Variants in APBB2 observed in about 807,000 individuals in gnomAD.
APBB2 encodes amyloid beta precursor protein binding family B member 2, also known as Fe65-like 1.
In APBB2, 38 loss-of-function variants were observed where a neutral mutation model predicts 82.5. That is an observed-to-expected ratio of 0.46 (90% CI 0.36 to 0.60). The LOEUF (loss-of-function observed/expected upper bound fraction) is 0.60, where lower values mean the gene tolerates loss of function less well. Among genes scored for constraint, APBB2 ranks in the 20% least tolerant of loss-of-function variants. The pLI is 0.00. For missense variants in APBB2, 772 were observed against 972.3 expected, an observed-to-expected ratio of 0.79 and a Z score of 2.74; for synonymous variants, 341 against 368.2, an observed-to-expected ratio of 0.93 and a Z score of 0.85.
intron 1 of APBB2, chr4:41,207,700 G>A (rs1230483589): frequency 1.3e-5 from 2 of 152,086 alleles, no homozygotes; most frequent in Non-Finnish European, 2.9e-5. Context: ...AGGACCTTGG[G>A]TGACTCTATA....
chr4:40,982,390 G>A (rs1345204419), intron 6 of APBB2, among the ~76,000 whole-genome samples: 426 of 11,762 alleles, frequency 0.036, 29 homozygotes, highest in East Asian at 0.09. Context: ...AAGGAAGGAA[G>A]GAAAGGAAAG....
chr4:41,097,203 C>T (rs867929920), intron 3 of APBB2, among the ~76,000 whole-genome samples: 2 of 152,126 alleles, frequency 1.3e-5, no homozygotes, highest in East Asian at 1.9e-4. Flanking sequence ...ATGTCACCTG[C>T]GCTCTTGTAT....
chr4:41,207,599 C>T (rs1778290782), intron 1 of APBB2, among the ~76,000 whole-genome samples: 1 of 152,212 alleles, frequency 6.6e-6, no homozygotes. Context: ...CATCTTTCAT[C>T]TTGGTGCTTT....
In APBB2 at chr4:40,845,873, A is replaced by G. The variant is rs567693683; in HGVS notation, c.1530-15296T>C. ...TTGAGCACACATCACACCATTATCC[A>G]CAGGACAATGAAGTAAACACTGCAA... On this transcript the variant is annotated intron_variant, in intron 12 of 17. Coordinates refer to ENST00000508593, the MANE Select transcript of APBB2 (RefSeq NM_004307.2). Among the ~76,000 whole-genome samples, 3 of 152,018 alleles carry G rather than the reference A, an allele frequency of 2.0e-5. No individual in the cohort carries two copies. The South Asian group carries it at 6.2e-4, about 32-fold the overall frequency.
chr4:40,982,605 C>T (rs1230603799), intron 6 of APBB2, among the ~76,000 whole-genome samples: 1 of 151,476 alleles, frequency 6.6e-6, no homozygotes, highest in Non-Finnish European at 1.5e-5. Context: ...CCCGTCTCTA[C>T]CAAAAATACA....
chr4:40,975,427 A>C (rs1439811957), intron 6 of APBB2, among the ~76,000 whole-genome samples: 1 of 152,102 alleles, frequency 6.6e-6, no homozygotes, highest in Non-Finnish European at 1.5e-5. Context: ...TTCTATGTTG[A>C]GTACTAATCA....
intron 10 of APBB2, among the ~76,000 whole-genome samples, chr4:40,924,396 C>T (rs562216902): frequency 2.2e-3 from 329 of 152,340 alleles, no homozygotes; most frequent in African/African-American, 7.5e-3. Context: ...GTCCTATGCG[C>T]TCCTTGTAAC....
Position 40,832,492 on chromosome 4 carries a change from A to G in APBB2, c.1530-1915T>C, listed in dbSNP as rs185502269. ...CTCACGTTCTAGCTCAGTGTCCTCC[A>G]TGCTAGAACCGGACTCCCCCTGCCT... is the stretch of plus-strand genomic sequence containing the variant. On this transcript the variant is annotated intron_variant, in intron 12 of 17. Transcript: ENST00000508593. This position sits in a 1 kb window ranked among gnomAD's most constrained non-coding sequence, Gnocchi z 4.8. 5.8e-4 allele frequency among the ~76,000 whole-genome samples: 88 copies of G among 152,200 alleles called. No individual in the cohort carries two copies. The highest frequency in any genetic ancestry group is 2.1e-3 in the African/African-American group (87 of 41,520).
intron 1 of APBB2, among the ~76,000 whole-genome samples, chr4:41,168,140 G>T (rs1233757170): frequency 1.3e-5 from 2 of 151,866 alleles, no homozygotes; most frequent in East Asian, 3.9e-4. Flanking sequence ...GTGGTGGCAG[G>T]TGCCTGTAGT....
chr4:41,077,656 C>T (rs1171535556), intron 3 of APBB2, among the ~76,000 whole-genome samples: 1 of 152,102 alleles, frequency 6.6e-6, no homozygotes, highest in Non-Finnish European at 1.5e-5. Flanking sequence ...AAGGGAAGAC[C>T]AAATGATATT....
intron 6 of APBB2, among the ~76,000 whole-genome samples, chr4:40,988,445 G>C (rs920148111): frequency 6.6e-6 from 1 of 151,934 alleles, no homozygotes; most frequent in South Asian, 2.1e-4. Flanking sequence ...AGACCAGTCT[G>C]GCCAAAATGG....
chr4:41,207,045 A>G (rs981653197), intron 1 of APBB2, among the ~76,000 whole-genome samples: 1 of 151,930 alleles, frequency 6.6e-6, no homozygotes, highest in Non-Finnish European at 1.5e-5. Flanking sequence ...CTAAAAATAC[A>G]AAAATTAGCC....
chr4:41,034,952 A>G (rs1457632646), intron 4 of APBB2, among the ~76,000 whole-genome samples: 1 of 152,202 alleles, frequency 6.6e-6, no homozygotes, highest in Non-Finnish European at 1.5e-5. Flanking sequence ...GTATGATTCT[A>G]TTTATATGAA....
chr4:40,956,199 G>A (rs1294905708), intron 6 of APBB2, among the ~76,000 whole-genome samples: 1 of 151,902 alleles, frequency 6.6e-6, no homozygotes, highest in East Asian at 1.9e-4. Flanking sequence ...TAGCAAGCAG[G>A]GCTCTTCACT....
chr4:41,105,312 AT>A (rs1359030431), intron 2 of APBB2, among the ~76,000 whole-genome samples: 1 of 152,084 alleles, frequency 6.6e-6, no homozygotes. Flanking sequence ...ATTTTTTAGC[AT>A]TTTCATATAG....
chr4:41,062,609 A>G (rs1411530654), intron 4 of APBB2, among the ~76,000 whole-genome samples: 1 of 152,158 alleles, frequency 6.6e-6, no homozygotes, highest in Non-Finnish European at 1.5e-5. Context: ...AGAGATGGAA[A>G]CCATGAGAGG....
chr4:41,025,375 C>T lies in APBB2; in HGVS notation c.19+7861G>A, dbSNP rs539977113. Among the ~76,000 whole-genome samples, 7 of 150,934 alleles carry T rather than the reference C, an allele frequency of 4.6e-5. No individual in the cohort carries two copies. The South Asian group carries it at 8.4e-4, about 18-fold the overall frequency. On this transcript the variant is annotated intron_variant, in intron 5 of 17. Coordinates refer to ENST00000508593, the MANE Select transcript of APBB2 (RefSeq NM_004307.2). ...AAAATAATAGATGCTGGTGAGATTG[C>T]GGAGAAAAGGGAACACTTATATGCT...
intron 10 of APBB2, among the ~76,000 whole-genome samples, chr4:40,907,350 TATATATATA>T (rs1777113770): frequency 4.2e-5 from 3 of 72,058 alleles, no homozygotes; most frequent in African/African-American, 1.1e-4. Context: ...ATATATTACA[TATATATATA>T]TATATATATA....
chr4:40,872,949 G>T (rs1049869642), intron 12 of APBB2, among the ~76,000 whole-genome samples: 4 of 151,930 alleles, frequency 2.6e-5, no homozygotes, highest in African/African-American at 9.7e-5. Flanking sequence ...TTAGCTGGGC[G>T]TGGTGTTGCG....
Sources: allele counts gnomAD v4.1 joint callset (sites outside exome capture counted in the v4.1 genomes callset), GRCh38; gene constraint gnomAD v4.1.1; non-coding constraint Gnocchi (gnomAD v3.1); transcripts MANE v1.5; gene names NCBI Gene and HGNC (gene_info 2026-07-23, HGNC 2026-07-21).